EXD3: variants seen among roughly 807,000 people sequenced by gnomAD.
EXD3 encodes the protein exonuclease mut-7 homolog.
In EXD3, 92 loss-of-function variants were observed where a neutral mutation model predicts 98.0. That is an observed-to-expected ratio of 0.94 (90% CI 0.79 to 1.12). EXD3 has a LOEUF of 1.12. EXD3 is among the 50% of genes most tolerant of loss of function. EXD3 has a pLI of 0.00. For missense variants in EXD3, 1,222 were observed against 1,191.6 expected (o/e 1.03, Z -0.38); for synonymous variants, 569 against 526.0 (o/e 1.08, Z -1.12).
intron 5 of EXD3, among the ~76,000 whole-genome samples, chr9:137,370,314 T>C (rs902778306): frequency 1.3e-5 from 2 of 152,118 alleles, no homozygotes; most frequent in Non-Finnish European, 2.9e-5. Flanking sequence ...GCCTGGCCAC[T>C]TGGGAAACTC....
intron 17 of EXD3, among the ~76,000 whole-genome samples, chr9:137,329,985 C>T (rs1382117190): frequency 7.3e-6 from 1 of 137,482 alleles, no homozygotes; most frequent in Non-Finnish European, 1.5e-5. Context: ...CACGGGACTA[C>T]ACAGGACTAC....
intron 17 of EXD3, among the ~76,000 whole-genome samples, chr9:137,336,346 T>C (rs931254404): frequency 6.6e-6 from 1 of 152,218 alleles, no homozygotes; most frequent in Non-Finnish European, 1.5e-5. Context: ...ACTTTAGATA[T>C]CGTTAACTCA....
Position 137,356,372 on chromosome 9 carries a change from T to C in EXD3, c.657-4A>G. ...GGAGGTCACCTCAGGGTACCGTCTGTGGGGAGAGAGAGGCACAGCCTCTGT... is the reference window on the plus strand; with the variant it reads ...GGAGGTCACCTCAGGGTACCGTCTGCGGGGAGAGAGAGGCACAGCCTCTGT... On this transcript the variant is annotated splice_polypyrimidine_tract_variant and splice_region_variant and intron_variant, in intron 7 of 21. Coordinates refer to ENST00000340951, the MANE Select transcript of EXD3 (RefSeq NM_017820.5). 1 of 1,571,682 alleles carries C rather than the reference T, an allele frequency of 6.4e-7. No individual in the cohort carries two copies. The highest frequency in any genetic ancestry group is 8.7e-7 in the Non-Finnish European group (1 of 1,151,726).
At chr9:137,410,004 G>A (rs566285251) in intron 1 of EXD3, among the ~76,000 whole-genome samples, 1 of 152,180 alleles carries the variant, frequency 6.6e-6, no homozygotes, top group Admixed American at 6.5e-5. Context: ...GTGAAACCCT[G>A]TCTCTACTAA....
rs1231208742 is a variant in EXD3, at chr9:137,403,448, C to A, written c.-47-8044G>T. Among the ~76,000 whole-genome samples, 1 of 152,050 alleles carries A rather than the reference C, an allele frequency of 6.6e-6. No homozygotes were observed. The highest frequency in any genetic ancestry group is 2.4e-5 in the African/African-American group (1 of 41,410). ...CAGCAGCAGCAGCAGCCAGCACACC[C>A]TGGCCCAGGGTCTCCGAGGGTCGGG... On this transcript the variant is annotated intron_variant, in intron 1 of 21. Coordinates refer to ENST00000340951, the MANE Select transcript of EXD3 (RefSeq NM_017820.5). The surrounding 1 kb of genome is among the most constrained non-coding windows in gnomAD (Gnocchi z 6.1).
rs1447567955 is a variant in EXD3 at position 137,385,031 on chromosome 9, G to A, written c.56-1654C>T. Among the ~76,000 whole-genome samples, 5 of 152,158 alleles carry A rather than the reference G, an allele frequency of 3.3e-5. No homozygotes were observed. The highest frequency in any genetic ancestry group is 2.1e-4 in the South Asian group (1 of 4,786). ...AGCATGAACCCGGGAGGCGGAGGTC[G>A]CAGTGAGCCGAGATCGGGCCACTGC... On this transcript the variant is annotated intron_variant, in intron 2 of 21. Transcript: ENST00000340951. The surrounding 1 kb of genome is among the most constrained non-coding windows in gnomAD (Gnocchi z 4.4).
chr9:137,372,328 C>T (rs896183606), intron 5 of EXD3, among the ~76,000 whole-genome samples: 5 of 152,236 alleles, frequency 3.3e-5, no homozygotes, highest in African/African-American at 1.2e-4. Context: ...GCACTGCCCA[C>T]TCTGGGCTTC....
chr9:137,406,289 A>AGGG (rs1167071109), intron 1 of EXD3, among the ~76,000 whole-genome samples: 1 of 151,594 alleles, frequency 6.6e-6, no homozygotes, highest in African/African-American at 2.4e-5. Flanking sequence ...GCAAGGAAAA[A>AGGG]GGAAAAAAAA....
intron 7 of EXD3, chr9:137,365,713 C>T: frequency 6.5e-6 from 2 of 308,930 alleles, no homozygotes; most frequent in Non-Finnish European, 1.3e-5. Flanking sequence ...CACCCATGCA[C>T]ACACACATAC....
intron 19 of EXD3, among the ~76,000 whole-genome samples, chr9:137,311,195 T>C (rs1715342902): frequency 6.6e-6 from 1 of 152,180 alleles, no homozygotes; most frequent in South Asian, 2.1e-4. Context: ...CCCTTCCTCT[T>C]CCGCTAGCTC....
At chr9:137,368,917 G>A (rs1418627630) in intron 5 of EXD3, among the ~76,000 whole-genome samples, 1 of 148,720 alleles carries the variant, frequency 6.7e-6, no homozygotes, top group Admixed American at 6.6e-5. Context: ...TGTGGGCAGG[G>A]GCGCCTGGCC....
In EXD3 at chr9:137,395,970, C is replaced by CT. The variant is rs751611486; in HGVS notation, c.-47-567dup. On this transcript the variant is annotated intron_variant, in intron 1 of 21. Coordinates refer to ENST00000340951, the MANE Select transcript of EXD3 (RefSeq NM_017820.5). The surrounding 1 kb of genome is among the most constrained non-coding windows in gnomAD (Gnocchi z 6.5). Reference sequence around the variant, plus strand: ...TTTTTTTTCTTTTCTTTCTTTCTTTCTTTTTTTTTTTTTTGGAGACAGAGT... The same window carrying CT: ...TTTTTTTTCTTTTCTTTCTTTCTTTCTTTTTTTTTTTTTTTGGAGACAGAGT... Among the ~76,000 whole-genome samples, 9,790 of 140,696 alleles carry CT rather than the reference C, an allele frequency of 0.07. 615 individuals carry two copies. Among genetic ancestry groups the CT allele is most frequent in the Admixed American group, 0.19 (2,649 of 13,988 alleles). 92.3% of individuals were successfully genotyped at this position (140,696 alleles called of 152,430 possible).
Position 137,357,015 on chromosome 9 carries a change from C to T in EXD3, c.657-647G>A, listed in dbSNP as rs1834827447. Among the ~76,000 whole-genome samples, 3 of 152,300 alleles carry T rather than the reference C, an allele frequency of 2.0e-5. No homozygotes were observed. The South Asian group carries it at 6.2e-4, about 32-fold the overall frequency. On this transcript the variant is annotated intron_variant, in intron 7 of 21. Transcript: ENST00000340951. ...TCCAGGGTCTGTGCCCGCTGCACAC[C>T]AGCTTGAGAGTTCAGTGGAGCCAAG...
intron 5 of EXD3, among the ~76,000 whole-genome samples, chr9:137,370,345 C>T (rs1012415218): frequency 1.3e-5 from 2 of 152,172 alleles, no homozygotes; most frequent in African/African-American, 2.4e-5. Context: ...AAAAGGTCAC[C>T]TGGCCCCAGA....
rs982989066 is a variant in EXD3, at chr9:137,371,151, G to A, written c.462+1754C>T. 6.6e-6 allele frequency among the ~76,000 whole-genome samples: 1 copy of A among 152,212 alleles called. No individual in the cohort carries two copies. The highest frequency in any genetic ancestry group is 1.5e-5 in the Non-Finnish European group (1 of 68,034). On this transcript the variant is annotated intron_variant, in intron 5 of 21. Transcript: ENST00000340951. The surrounding 1 kb of genome is among the most constrained non-coding windows in gnomAD (Gnocchi z 8.0). Reference sequence around the variant, plus strand: ...AGCGCGAGGGAGGCGCATTCAGCCGGCCCCAGACAGTCTTTGAAAGGCTCT... The same window carrying A: ...AGCGCGAGGGAGGCGCATTCAGCCGACCCCAGACAGTCTTTGAAAGGCTCT...
At chr9:137,417,022 T>C (rs1838264632) in intron 1 of EXD3, among the ~76,000 whole-genome samples, 1 of 152,146 alleles carries the variant, frequency 6.6e-6, no homozygotes, top group Admixed American at 6.5e-5. Context: ...CCTTAGGATC[T>C]CCTCGGCCTC....
At chr9:137,366,711 G>A (rs866038790) in intron 6 of EXD3, 79 bp from the exon 7 acceptor site, 44 of 1,490,250 alleles carry the variant, frequency 3.0e-5, no homozygotes, top group Middle Eastern at 2.4e-4. Flanking sequence ...CAGAGGGAGC[G>A]GCCAAAGTGT....
intron 17 of EXD3, among the ~76,000 whole-genome samples, chr9:137,326,842 C>T (rs1407197446): frequency 6.6e-6 from 1 of 152,040 alleles, no homozygotes; most frequent in African/African-American, 2.4e-5. Flanking sequence ...GCAGTTTCAC[C>T]TTTAGCTGTA....
At chr9:137,326,490 C>T (rs1479506033) in intron 17 of EXD3, among the ~76,000 whole-genome samples, 1 of 151,820 alleles carries the variant, frequency 6.6e-6, no homozygotes, top group East Asian at 1.9e-4. Context: ...CGTGTCACTG[C>T]ACTCCAGCCT....
Sources: allele counts gnomAD v4.1 joint callset (sites outside exome capture counted in the v4.1 genomes callset), GRCh38; gene constraint gnomAD v4.1.1; non-coding constraint Gnocchi (gnomAD v3.1); transcripts MANE v1.5; gene names NCBI Gene and HGNC (gene_info 2026-07-23, HGNC 2026-07-21).